The following CTNNA1 variants were observed in gnomAD, a reference collection of about 807,000 sequenced individuals.
CTNNA1 encodes catenin alpha-1.
In CTNNA1, 37 loss-of-function variants were observed where a neutral mutation model predicts 98.4. The ratio of observed to expected loss-of-function variants is 0.38; its 90% CI spans 0.29 to 0.49. CTNNA1 has a LOEUF of 0.49. CTNNA1 is among the 20% of genes least tolerant of loss of function. The pLI, the probability that CTNNA1 is intolerant of heterozygous loss-of-function variation, is 0.95. For missense variants in CTNNA1, 761 were observed against 1,147.2 expected, an observed-to-expected ratio of 0.66 and a Z score of 4.86; for synonymous variants, 404 against 413.2, an observed-to-expected ratio of 0.98 and a Z score of 0.27.
At chr5:138,889,721 C>T (rs1754937884) in intron 9 of CTNNA1, among the ~76,000 whole-genome samples, 1 of 151,420 alleles carries the variant, frequency 6.6e-6, no homozygotes, top group Non-Finnish European at 1.5e-5. Flanking sequence ...TCCACACCCC[C>T]ACACGTTAAC....
At chr5:138,901,799 C>T (rs1459621199) in intron 9 of CTNNA1, among the ~76,000 whole-genome samples, 1 of 152,202 alleles carries the variant, frequency 6.6e-6, no homozygotes, top group Non-Finnish European at 1.5e-5. Flanking sequence ...CAGAAAGAGG[C>T]ATTTAGGAAG....
chr5:138,812,414 T>G, intron 5 of CTNNA1, 112 bp downstream of exon 5: 1 of 1,184,432 alleles, frequency 8.4e-7, no homozygotes, highest in Non-Finnish European at 1.2e-6. Context: ...CCAATATAGT[T>G]CCATTAAAAC....
At chr5:138,800,630 A>G (rs1757470627) in intron 3 of CTNNA1, among the ~76,000 whole-genome samples, 1 of 152,042 alleles carries the variant, frequency 6.6e-6, no homozygotes, top group South Asian at 2.1e-4. Context: ...CCCTGTCTCT[A>G]TTGAAAAAAA....
At chr5:138,918,295 CTG>C (rs1762220356) in intron 11 of CTNNA1, among the ~76,000 whole-genome samples, 1 of 152,218 alleles carries the variant, frequency 6.6e-6, no homozygotes, top group Admixed American at 6.5e-5. Context: ...TTGGTGGAGA[CTG>C]TGGTTATTTG....
intron 7 of CTNNA1, among the ~76,000 whole-genome samples, chr5:138,848,279 G>A (rs1762902282): frequency 1.3e-5 from 2 of 152,246 alleles, no homozygotes; most frequent in African/African-American, 2.4e-5. Context: ...ATGGTTGCAA[G>A]TGTATAGAAA....
In CTNNA1 at chr5:138,781,923, A is replaced by T. The variant is rs1372921764; in HGVS notation, c.-2A>T. 6.3e-7 allele frequency: 1 copy of T among 1,576,262 alleles called. No homozygotes were observed. Among genetic ancestry groups the T allele is most frequent in the South Asian group, 1.2e-5 (1 of 84,320 alleles). The stretch of plus-strand genomic sequence containing the variant: ...GACTGACTTTTTGTTTCTTATTTAG[A>T]AATGACTGCTGTCCATGCAGGCAAC... On this transcript the variant is annotated splice_region_variant and 5_prime_UTR_variant, in exon 2 of 18. Coordinates refer to ENST00000302763, the MANE Select transcript of CTNNA1 (RefSeq NM_001903.5).
At chr5:138,776,681 C>T (rs1309964867) in intron 1 of CTNNA1, among the ~76,000 whole-genome samples, 3 of 150,138 alleles carry the variant, frequency 2.0e-5, no homozygotes, top group East Asian at 4.0e-4. Flanking sequence ...GGGCTGACCC[C>T]CCCACCTCCC....
chr5:138,830,695 C>A (rs1201003419), intron 7 of CTNNA1, among the ~76,000 whole-genome samples: 1 of 152,224 alleles, frequency 6.6e-6, no homozygotes, highest in Non-Finnish European at 1.5e-5. Context: ...GTCTGCCTGT[C>A]AGTCAGTTCA....
rs183487737 is a variant in CTNNA1 at position 138,892,004 on chromosome 5, G to T, written c.1296+4362G>T. ...GAAACTCAAAAGAATGCAACTGTTT[G>T]TCTCTTATCTACCTATGACCTGGAA... On this transcript the variant is annotated intron_variant, in intron 9 of 17. Coordinates refer to ENST00000302763, the MANE Select transcript of CTNNA1 (RefSeq NM_001903.5). Among the ~76,000 whole-genome samples, 66 of 152,310 alleles carry T rather than the reference G, an allele frequency of 4.3e-4. No individual in the cohort carries two copies. The East Asian group carries it at 7.7e-3, about 18-fold the overall frequency.
At position 138,826,580 on chromosome 5, in the gene CTNNA1, G is replaced by T. The variant is rs1314863837; in HGVS notation, c.859-935G>T. Among the ~76,000 whole-genome samples, 3 of 152,134 alleles carry T rather than the reference G, an allele frequency of 2.0e-5. No homozygotes were observed. The East Asian group carries it at 5.8e-4, about 29-fold the overall frequency. On this transcript the variant is annotated intron_variant, in intron 6 of 17. Transcript: ENST00000302763. ...CTTATTGGAGCAGTTCTTCCTCACAGCTTAGGTTTTTGGGAGGATTGCTAT... is the reference window on the plus strand; with the variant it reads ...CTTATTGGAGCAGTTCTTCCTCACATCTTAGGTTTTTGGGAGGATTGCTAT...
intron 10 of CTNNA1, among the ~76,000 whole-genome samples, chr5:138,907,350 A>G (rs1198060514): frequency 2.6e-5 from 4 of 152,194 alleles, no homozygotes; most frequent in Admixed American, 2.6e-4. Flanking sequence ...AAATTCTGCA[A>G]TTCAGATTTT....
At chr5:138,852,112 GGTGCTACCCAATTAGTA>G (rs1487863181) in intron 7 of CTNNA1, among the ~76,000 whole-genome samples, 1 of 152,024 alleles carries the variant, frequency 6.6e-6, no homozygotes, top group Non-Finnish European at 1.5e-5. Context: ...ATATAACATG[GGTGCTACCCAATTAGTA>G]GTGCTATAGT....
rs1292440193 is a variant in CTNNA1 at position 138,827,509 on chromosome 5, C to G, written c.859-6C>G. 6.2e-7 allele frequency: 1 copy of G among 1,614,142 alleles called. No individual in the cohort carries two copies. The highest frequency in any genetic ancestry group is 1.7e-4 in the Middle Eastern group (1 of 6,060). On this transcript the variant is annotated splice_polypyrimidine_tract_variant and splice_region_variant and intron_variant, in intron 6 of 17. Coordinates refer to ENST00000302763, the MANE Select transcript of CTNNA1 (RefSeq NM_001903.5). Reference sequence around the variant, plus strand: ...GTACTAACATTCGGTAATACTTTCTCTGCAGAAACAAATCATTGTGGACCC... The same window carrying G: ...GTACTAACATTCGGTAATACTTTCTGTGCAGAAACAAATCATTGTGGACCC...
At chr5:138,892,718 A>G (rs1053645606) in intron 9 of CTNNA1, among the ~76,000 whole-genome samples, 11 of 152,042 alleles carry the variant, frequency 7.2e-5, no homozygotes, top group African/African-American at 1.4e-4. Flanking sequence ...TGCCTACTAA[A>G]AAAATTTAAA....
chr5:138,875,038 A>G, intron 7 of CTNNA1: 2 of 906,262 alleles, frequency 2.2e-6, no homozygotes, highest in Admixed American at 2.3e-5. Flanking sequence ...AGGCTTTCCA[A>G]GTAAAATTGA....
At position 138,934,979 on chromosome 5, in the gene CTNNA1, A is replaced by T. The variant is rs900642545; in HGVS notation, c.*890A>T. On this transcript the variant is annotated 3_prime_UTR_variant, in exon 18 of 18. Transcript: ENST00000302763. ...TATTTAAATTTTATGAATTAATTTG[A>T]ATGTTTTTTACACTAACTAACTTTT... is the stretch of plus-strand genomic sequence containing the variant. 1 of 152,272 alleles carries T rather than the reference A, an allele frequency of 6.6e-6. No homozygotes were observed. The highest frequency in any genetic ancestry group is 6.5e-5 in the Admixed American group (1 of 15,278). 9.4% of individuals were successfully genotyped at this position (152,272 alleles called of 1,614,324 possible).
intron 7 of CTNNA1, among the ~76,000 whole-genome samples, chr5:138,854,833 C>T (rs1763579453): frequency 6.6e-6 from 1 of 152,230 alleles, no homozygotes; most frequent in Non-Finnish European, 1.5e-5. Context: ...GTACTTCATA[C>T]TCCACGGGAC....
intron 6 of CTNNA1, 128 bp from the exon 7 acceptor site, chr5:138,827,387 A>C: frequency 9.8e-7 from 1 of 1,022,412 alleles, no homozygotes; most frequent in South Asian, 1.5e-5. Context: ...CCTGCTAAGA[A>C]GTATAACTTT....
At position 138,917,788 on chromosome 5, in the gene CTNNA1, T is replaced by C; in HGVS notation, c.1436T>C (p.Leu479Pro). 1.2e-6 allele frequency: 2 copies of C among 1,614,180 alleles called. No individual in the cohort carries two copies. The highest frequency in any genetic ancestry group is 1.7e-6 in the Non-Finnish European group (2 of 1,180,020). ...LALAAKPQSK[L>P]AQENMDLFKE... ...TTAGCAGCAAAACCACAGAGTAAAC[T>C]GGCCCAAGAGAACATGGATCTTTTT... The change falls in exon 11 of 18, where the codon CTG (leucine) becomes CCG (proline). Residue 479 changes from leucine (L) to proline (P), a missense_variant. Physicochemically the swap from Leu to Pro is moderately conservative, Grantham distance 98. Coordinates refer to ENST00000302763, the MANE Select transcript of CTNNA1 (RefSeq NM_001903.5).
Sources: gnomAD v4.1 joint callset for allele counts (sites outside exome capture counted in the v4.1 genomes callset) on GRCh38, gnomAD v4.1.1 for gene constraint, MANE v1.5 for transcripts, NCBI Gene and HGNC (gene_info 2026-07-23, HGNC 2026-07-21) for gene names.